ZNF618: variants seen among roughly 807,000 people sequenced by gnomAD.
The protein encoded by ZNF618 is zinc finger protein 618.
ZNF618 carries 34 observed loss-of-function variants against 103.0 expected under a neutral mutation model. That is an observed-to-expected ratio of 0.33 (90% CI 0.25 to 0.44). The LOEUF is 0.44. ZNF618 is among the 20% of genes least tolerant of loss of function. ZNF618 has a pLI of 1.00. For missense variants in ZNF618, 1,059 were observed against 1,295.4 expected (o/e 0.82, Z 2.80); for synonymous variants, 551 against 542.2 (o/e 1.02, Z -0.23).
At chr9:113,973,161 G>T (rs765335736) in intron 2 of ZNF618, among the ~76,000 whole-genome samples, 83 of 152,294 alleles carry the variant, frequency 5.4e-4, no homozygotes, top group Non-Finnish European at 9.0e-4. Flanking sequence ...GATTTAGATG[G>T]GTAGACACTT....
Position 114,016,741 on chromosome 9 carries a change from C to T in ZNF618, c.801C>T (p.Tyr267=). ...TCEFCGKQYK[Y]YTPYQEHVAL... is the part of the protein sequence containing the mutation. The stretch of plus-strand genomic sequence containing the variant: ...AATTCTGCGGCAAACAGTACAAGTA[C>T]TACACTCCCTACCAGGAGCATGTGG... Residue 267 remains tyrosine (Y), a synonymous_variant, in exon 10 of 15, where the codon TAC becomes TAT. Transcript: ENST00000374126. The T allele has an allele frequency of 6.2e-7, 1 of 1,613,756 alleles. No individual in the cohort carries two copies. The highest frequency in any genetic ancestry group is 8.5e-7 in the Non-Finnish European group (1 of 1,179,804).
intron 2 of ZNF618, among the ~76,000 whole-genome samples, chr9:113,970,493 G>A (rs1837852100): frequency 6.6e-6 from 1 of 152,110 alleles, no homozygotes; most frequent in Admixed American, 6.5e-5. Context: ...CTTTGTGGCA[G>A]TTTCTCAACT....
intron 1 of ZNF618, among the ~76,000 whole-genome samples, chr9:113,889,350 T>TCTCTCTCTCTCTCC (rs1191014933): frequency 6.7e-6 from 1 of 148,360 alleles, no homozygotes; most frequent in African/African-American, 2.4e-5. Flanking sequence ...TCTCTCTTTC[T>TCTCTCTCTCTCTCC]CTCCCTCCCT....
In ZNF618 at chr9:114,049,191, G is replaced by A. The variant is rs765531746; in HGVS notation, c.1889G>A (p.Gly630Asp). 8.7e-6 allele frequency: 14 copies of A among 1,613,752 alleles called. No homozygotes were observed. Among genetic ancestry groups the A allele is most frequent in the Non-Finnish European group, 1.2e-5 (14 of 1,179,870 alleles). Reference sequence around the variant, plus strand: ...AGCACGTCCGCCTTCTCCAAGGCCGGCATGTGCCTTCGCTGCTCAGCCTGT... The same window carrying A: ...AGCACGTCCGCCTTCTCCAAGGCCGACATGTGCCTTCGCTGCTCAGCCTGT... ...RVSTSAFSKA[G>D]MCLRCSACAL... The change falls in exon 15 of 15, where the codon GGC becomes GAC. Residue 630 changes from glycine to aspartate, a missense_variant. By Grantham distance (94) the Gly-to-Asp change is moderately conservative (BLOSUM62 -1). Coordinates refer to ENST00000374126, the MANE Select transcript of ZNF618 (RefSeq NM_001318042.2).
At chr9:113,979,307 G>A (rs1027008370) in intron 2 of ZNF618, among the ~76,000 whole-genome samples, 6 of 152,172 alleles carry the variant, frequency 3.9e-5, no homozygotes, top group South Asian at 2.1e-4. Context: ...TCATGATGGC[G>A]ACCCTGCACC....
At chr9:114,000,001 C>G (rs1438688619) in intron 4 of ZNF618, among the ~76,000 whole-genome samples, 3 of 152,240 alleles carry the variant, frequency 2.0e-5, no homozygotes, top group Non-Finnish European at 2.9e-5. Flanking sequence ...GGAGCCCTCG[C>G]TGTGTGCCAA....
chr9:114,034,721 G>A (rs1844430066), intron 12 of ZNF618, among the ~76,000 whole-genome samples: 1 of 152,214 alleles, frequency 6.6e-6, no homozygotes, highest in African/African-American at 2.4e-5. Flanking sequence ...ACCTCTGGCA[G>A]TGCCAGGAAG....
chr9:114,016,807 G>T, intron 10 of ZNF618, 23 bp downstream of exon 10: 1 of 1,596,572 alleles, frequency 6.3e-7, no homozygotes, highest in Non-Finnish European at 8.6e-7. Context: ...TCCCGGTAGG[G>T]ATGGGGGTTG....
At chr9:113,883,231 G>A (rs1828700551) in intron 1 of ZNF618, among the ~76,000 whole-genome samples, 2 of 152,182 alleles carry the variant, frequency 1.3e-5, no homozygotes, top group South Asian at 4.1e-4. Flanking sequence ...CTGAAGCCAT[G>A]GCTCCCCTGG....
intron 2 of ZNF618, among the ~76,000 whole-genome samples, chr9:113,978,312 G>GC (rs1838671969): frequency 6.6e-6 from 1 of 152,220 alleles, no homozygotes; most frequent in African/African-American, 2.4e-5. Context: ...TAGTGATGAA[G>GC]CTATGACCTT....
chr9:113,894,622 C>T (rs750596188), intron 1 of ZNF618, among the ~76,000 whole-genome samples: 32 of 152,258 alleles, frequency 2.1e-4, no homozygotes, highest in South Asian at 1.4e-3. Context: ...TATTCATTCA[C>T]GCTCCTTTAT....
At chr9:114,027,061 T>C (rs1424050834) in intron 10 of ZNF618, among the ~76,000 whole-genome samples, 1 of 152,022 alleles carries the variant, frequency 6.6e-6, no homozygotes, top group Non-Finnish European at 1.5e-5. Context: ...AGAAATGGAC[T>C]CTGGGTGCCT....
chr9:114,050,947 A>G lies in ZNF618; in HGVS notation c.*780A>G, dbSNP rs1846096080. On this transcript the variant is annotated 3_prime_UTR_variant, in exon 15 of 15. Coordinates refer to ENST00000374126, the MANE Select transcript of ZNF618 (RefSeq NM_001318042.2). Reference sequence around the variant, plus strand: ...CACCTATCTATCTCCCCAAATCAGGAAAGGAGACTTAAAGAGTATAAAGCT... The same window carrying G: ...CACCTATCTATCTCCCCAAATCAGGGAAGGAGACTTAAAGAGTATAAAGCT... 1 of 152,648 alleles carries G rather than the reference A, an allele frequency of 6.6e-6. No individual in the cohort carries two copies. The highest frequency in any genetic ancestry group is 6.5e-5 in the Admixed American group (1 of 15,284). 9.5% of individuals were successfully genotyped at this position (152,648 alleles called of 1,614,324 possible).
intron 12 of ZNF618, 66 bp from the exon 13 acceptor site, chr9:114,036,234 G>A (rs1844588598): frequency 8.1e-6 from 12 of 1,484,508 alleles, no homozygotes; most frequent in Non-Finnish European, 1.1e-5. Context: ...AAAGCTGCCT[G>A]CAGCCCAGCA....
intron 1 of ZNF618, among the ~76,000 whole-genome samples, chr9:113,923,578 G>A (rs1218899956): frequency 6.6e-6 from 1 of 151,970 alleles, no homozygotes; most frequent in African/African-American, 2.4e-5. Flanking sequence ...TGATGTGATG[G>A]GTTACACTAT....
chr9:113,990,648 GAGACTT>G (rs1384953157), intron 3 of ZNF618, among the ~76,000 whole-genome samples: 1 of 152,194 alleles, frequency 6.6e-6, no homozygotes, highest in Admixed American at 6.5e-5. Flanking sequence ...ACGCTGTGGA[GAGACTT>G]ACGCTGGCAA....
At chr9:114,014,479 T>G (rs890497331) in intron 9 of ZNF618, among the ~76,000 whole-genome samples, 1 of 152,242 alleles carries the variant, frequency 6.6e-6, no homozygotes, top group Admixed American at 6.5e-5. Context: ...TTGATCTCCT[T>G]TTGTTAGACT....
intron 1 of ZNF618, among the ~76,000 whole-genome samples, chr9:113,903,472 T>C (rs910189028): frequency 7.7e-5 from 11 of 142,422 alleles, no homozygotes; most frequent in Non-Finnish European, 1.1e-4. Context: ...TAAATCTGCC[T>C]CTGTTTTTTT....
intron 12 of ZNF618, 39 bp downstream of exon 12, chr9:114,032,767 G>A: frequency 3.1e-6 from 5 of 1,588,592 alleles, no homozygotes; most frequent in Non-Finnish European, 3.5e-6. Flanking sequence ...TGCGGTAGCT[G>A]CCAGCTTCGC....
Sources: allele counts gnomAD v4.1 joint callset (sites outside exome capture counted in the v4.1 genomes callset), GRCh38; gene constraint gnomAD v4.1.1; transcripts MANE v1.5; gene names NCBI Gene and HGNC (gene_info 2026-07-23, HGNC 2026-07-21).